MYH15: variants seen among roughly 807,000 people sequenced by gnomAD.
MYH15 encodes myosin heavy chain 15.
In MYH15, 227 loss-of-function variants were observed where a neutral mutation model predicts 240.5. The ratio of observed to expected loss-of-function variants is 0.94; its 90% CI spans 0.85 to 1.05. The LOEUF is 1.05. Among genes scored for constraint, MYH15 ranks in the 50% least tolerant of loss-of-function variants. The pLI is 0.00. For synonymous variants in MYH15, 785 were observed against 796.7 expected (o/e 0.99, Z 0.25); for missense variants, 2,217 against 2,247.5 (o/e 0.99, Z 0.27).
chr3:108,455,083 G>T (rs1383822898), intron 20 of MYH15, among the ~76,000 whole-genome samples: 1 of 152,114 alleles, frequency 6.6e-6, no homozygotes, highest in Non-Finnish European at 1.5e-5. Flanking sequence ...ATTCTATGAG[G>T]TCTTTATCCT....
At chr3:108,404,444 T>C (rs1467988641) in intron 33 of MYH15, among the ~76,000 whole-genome samples, 1 of 152,210 alleles carries the variant, frequency 6.6e-6, no homozygotes, top group African/African-American at 2.4e-5. Context: ...TTAGATAATA[T>C]AATCATCGTT....
In MYH15 at chr3:108,498,063, TG is replaced by T; in HGVS notation, c.606del (p.Arg203GlyfsTer7). On this transcript the variant is annotated frameshift_variant, in exon 6 of 41. Transcript: ENST00000693548. LOFTEE classifies it high-confidence loss of function. ...ATATAAACACTTACCTGCTTTTTCC[TG>T]GATTCAATCATGGCTGCTATGGTGG... ...YFATIAAMIE[S>X]RKKQGALEDQ... 1 of 1,614,040 alleles carries T rather than the reference TG, an allele frequency of 6.2e-7. No individual in the cohort carries two copies.
At position 108,410,797 on chromosome 3, in the gene MYH15, G is replaced by T. The variant is rs1352810161; in HGVS notation, c.4281C>A (p.Val1427=). Residue 1427 remains valine (V), a synonymous_variant, in exon 31 of 41, where the codon GTC becomes GTA. Coordinates refer to ENST00000693548, the MANE Select transcript of MYH15 (RefSeq NM_014981.3). The stretch of plus-strand genomic sequence containing the variant: ...GGTCCAGCCTGGCTGCTGCAGAGCG[G>T]ACCTTCCCGAGGTCAGACAGGGCGT... The part of the protein sequence containing the change: ...LGDALSDLGK[V]RSAAARLDQK... The T allele has an allele frequency of 1.9e-6, 3 of 1,614,152 alleles. No homozygotes were observed. The highest frequency in any genetic ancestry group is 2.5e-6 in the Non-Finnish European group (3 of 1,179,992).
At chr3:108,417,796 T>TACAC (rs34957697) in intron 28 of MYH15, among the ~76,000 whole-genome samples, 1 of 146,936 alleles carries the variant, frequency 6.8e-6, no homozygotes. Flanking sequence ...TATATATATA[T>TACAC]ACACACACAC....
At chr3:108,548,711 G>A in the MYH15 span, among the ~76,000 whole-genome samples, 3 of 152,080 alleles carry the variant, frequency 2.0e-5, no homozygotes, top group Admixed American at 1.3e-4. Context: ...GGCAGGAAAA[G>A]AATCAAATTA....
intron 36 of MYH15, 123 bp from the exon 37 acceptor site, chr3:108,392,053 T>G: frequency 1.9e-6 from 2 of 1,057,172 alleles, no homozygotes; most frequent in Non-Finnish European, 2.8e-6. Context: ...ATGTGATCTC[T>G]TCCCATTATA....
At position 108,464,785 on chromosome 3, in the gene MYH15, T is replaced by G. The variant is rs528506562; in HGVS notation, c.1584A>C (p.Glu528Asp). The change falls in exon 15 of 41, where the codon GAA becomes GAC. Residue 528 changes from glutamate to aspartate, a missense_variant. Glu to Asp is a conservative substitution (Grantham distance 45). Transcript: ENST00000693548. ...KPMGILSILE[E>D]ECMFPKATDL... ...CTGTAGCCTTAGGAAACATACACTC[T>G]TCTTCAAGGATGGAAAGGATGCCCA... 1 of 1,610,898 alleles carries G rather than the reference T, an allele frequency of 6.2e-7. No individual in the cohort carries two copies. Among genetic ancestry groups the G allele is most frequent in the Admixed American group, 1.7e-5 (1 of 59,268 alleles).
At chr3:108,383,235 C>G (rs1221006225) in intron 40 of MYH15, among the ~76,000 whole-genome samples, 1 of 152,164 alleles carries the variant, frequency 6.6e-6, no homozygotes, top group African/African-American at 2.4e-5. Context: ...GGAAAGAGTT[C>G]ATTCTGAATT....
intron 37 of MYH15, among the ~76,000 whole-genome samples, chr3:108,390,236 T>C (rs1015292484): frequency 1.3e-5 from 2 of 152,190 alleles, no homozygotes; most frequent in Admixed American, 6.5e-5. Flanking sequence ...ATTCCACCTG[T>C]AAATACTATT....
chr3:108,514,906 T>C (rs2083548856), upstream of MYH15, among the ~76,000 whole-genome samples: 1 of 152,212 alleles, frequency 6.6e-6, no homozygotes, highest in African/African-American at 2.4e-5. Flanking sequence ...ATAGAACCCT[T>C]GGAGGCATCT....
At chr3:108,448,550 A>G (rs953928009) in intron 21 of MYH15, among the ~76,000 whole-genome samples, 2 of 152,118 alleles carry the variant, frequency 1.3e-5, no homozygotes, top group African/African-American at 2.4e-5. Context: ...TCAAGATGAT[A>G]TAAATATCTT....
chr3:108,419,295 T>C (rs1474828325), intron 28 of MYH15, among the ~76,000 whole-genome samples: 1 of 152,120 alleles, frequency 6.6e-6, no homozygotes, highest in Non-Finnish European at 1.5e-5. Flanking sequence ...TGAATAAATT[T>C]GTACTTCTAA....
chr3:108,382,777 A>G (rs1315833338), intron 40 of MYH15, among the ~76,000 whole-genome samples: 1 of 152,128 alleles, frequency 6.6e-6, no homozygotes, highest in African/African-American at 2.4e-5. Flanking sequence ...AAAAAAAATA[A>G]TAATAATGAA....
At chr3:108,407,450 G>A (rs756810199) in intron 32 of MYH15, among the ~76,000 whole-genome samples, 10 of 152,060 alleles carry the variant, frequency 6.6e-5, no homozygotes, top group Non-Finnish European at 1.5e-4. Context: ...GGCTGCACAG[G>A]GCTTCTTAAC....
intron 32 of MYH15, 65 bp downstream of exon 32, chr3:108,408,215 A>T (rs2082560604): frequency 1.3e-6 from 2 of 1,533,092 alleles, no homozygotes; most frequent in African/African-American, 2.8e-5. Context: ...TGCTGCTGTT[A>T]TTGCTGAATG....
the MYH15 span, chr3:108,549,757 G>T: frequency 6.6e-6 from 1 of 151,976 alleles, no homozygotes; most frequent in African/African-American, 2.4e-5. Flanking sequence ...ATTGTATAGG[G>T]TAGCACTAGG....
At chr3:108,449,262 G>A (rs2082953108) in intron 21 of MYH15, among the ~76,000 whole-genome samples, 1 of 151,848 alleles carries the variant, frequency 6.6e-6, no homozygotes, top group Admixed American at 6.6e-5. Context: ...AAATTTATAT[G>A]GAACCACAAA....
In MYH15 at chr3:108,444,710, C is replaced by T. The variant is rs1370903467; in HGVS notation, c.2585G>A (p.Arg862Lys). The T allele has an allele frequency of 3.1e-6, 5 of 1,613,996 alleles. No individual in the cohort carries two copies. In the Admixed American group the frequency reaches 6.7e-5, roughly 22 times the overall value. Reference protein sequence around the residue: ...QKALEKSEFQREELKAKQVSL... With the variant: ...QKALEKSEFQKEELKAKQVSL... ...TACTTGCTTTGCTTTCAGTTCCTCC[C>T]TCTGAAACTCTGATTTCTCCAAGGC... The change falls in exon 22 of 41, where the codon AGG (arginine) becomes AAG (lysine). Residue 862 changes from arginine to lysine, a missense_variant. Physicochemically the swap from Arg to Lys is conservative, Grantham distance 26 (BLOSUM62 2). Coordinates refer to ENST00000693548, the MANE Select transcript of MYH15 (RefSeq NM_014981.3).
chr3:108,429,775 A>G (rs1204988088), intron 26 of MYH15, among the ~76,000 whole-genome samples: 1 of 152,226 alleles, frequency 6.6e-6, no homozygotes, highest in Non-Finnish European at 1.5e-5. Flanking sequence ...TCAAATAAGT[A>G]GTCTATCAGT....
Sources: allele counts gnomAD v4.1 joint callset (sites outside exome capture counted in the v4.1 genomes callset), GRCh38; gene constraint gnomAD v4.1.1; transcripts MANE v1.5; gene names NCBI Gene and HGNC (gene_info 2026-07-23, HGNC 2026-07-21).